Variants in GUCA1C observed in about 807,000 individuals in gnomAD.
GUCA1C encodes the protein guanylyl cyclase-activating protein 3.
GUCA1C carries 15 observed loss-of-function variants against 16.2 expected under a neutral mutation model. The observed-to-expected ratio is 0.93, with a 90% CI of 0.62 to 1.43. The LOEUF is 1.43. GUCA1C is among the 40% of genes most tolerant of loss of function. The pLI is 0.00. For synonymous variants in GUCA1C, 78 were observed against 85.4 expected (o/e 0.91, Z 0.48); for missense variants, 275 against 244.8 (o/e 1.12, Z -0.82).
chr3:108,934,871 T>C (rs1946707855), intron 1 of GUCA1C, among the ~76,000 whole-genome samples: 2 of 130,716 alleles, frequency 1.5e-5, no homozygotes. Flanking sequence ...CTGAGTGCAG[T>C]GGCGCTATCT....
At chr3:108,929,345 G>GT (rs1394575689) in intron 1 of GUCA1C, among the ~76,000 whole-genome samples, 1 of 152,134 alleles carries the variant, frequency 6.6e-6, no homozygotes, top group African/African-American at 2.4e-5. Flanking sequence ...TTTGTTTTTG[G>GT]TTTTTTGGTT....
chr3:108,916,650 G>A (rs530923313), intron 2 of GUCA1C, among the ~76,000 whole-genome samples: 208 of 152,260 alleles, frequency 1.4e-3, no homozygotes, highest in Middle Eastern at 3.4e-3. Context: ...GGCTTCCACC[G>A]CTGGCACCCC....
Position 108,920,418 on chromosome 3 carries a change from C to T in GUCA1C, c.354+18G>A. 2 of 1,595,548 alleles carry T rather than the reference C, an allele frequency of 1.3e-6. No homozygotes were observed. The highest frequency in any genetic ancestry group is 1.1e-5 in the South Asian group (1 of 90,428). On this transcript the variant is annotated intron_variant, in intron 2 of 3. Coordinates refer to ENST00000261047, the MANE Select transcript of GUCA1C (RefSeq NM_005459.4). Reference sequence around the variant, plus strand: ...ACTATATAGCGGCCTGAAAAGGATACTTTACTACTTCACTTACCATGAACA... The same window carrying T: ...ACTATATAGCGGCCTGAAAAGGATATTTTACTACTTCACTTACCATGAACA...
At chr3:108,941,064 A>G (rs185512217) in intron 1 of GUCA1C, among the ~76,000 whole-genome samples, 9 of 61,688 alleles carry the variant, frequency 1.5e-4, no homozygotes, top group Non-Finnish European at 4.2e-4. Flanking sequence ...GGGCTCATTT[A>G]AAAAAAAAAC....
intron 3 of GUCA1C, among the ~76,000 whole-genome samples, chr3:108,908,888 T>C (rs555807596): frequency 6.6e-6 from 1 of 152,222 alleles, no homozygotes; most frequent in Non-Finnish European, 1.5e-5. Flanking sequence ...GGGAATTCTC[T>C]GTTGATATAA....
chr3:108,930,290 C>T (rs868062050), intron 1 of GUCA1C, among the ~76,000 whole-genome samples: 2 of 152,122 alleles, frequency 1.3e-5, no homozygotes, highest in Admixed American at 1.3e-4. Context: ...ACCACTGCTC[C>T]CCGGAAATAA....
intron 2 of GUCA1C, among the ~76,000 whole-genome samples, chr3:108,918,672 G>GC (rs1946542828): frequency 6.6e-6 from 1 of 152,146 alleles, no homozygotes; most frequent in Non-Finnish European, 1.5e-5. Context: ...TGTAGAGCCT[G>GC]CCTATACTGT....
Position 108,920,523 on chromosome 3 carries a change from C to A in GUCA1C, c.267G>T (p.Met89Ile), listed in dbSNP as rs920244370. 2 of 1,591,442 alleles carry A rather than the reference C, an allele frequency of 1.3e-6. No individual in the cohort carries two copies. Among genetic ancestry groups the A allele is most frequent in the Non-Finnish European group, 1.7e-6 (2 of 1,159,912 alleles). The change falls in exon 2 of 4, where the codon ATG becomes ATT. Residue 89 changes from methionine (M) to isoleucine (I), a missense_variant. Met to Ile is a conservative substitution (Grantham distance 10). Coordinates refer to ENST00000261047, the MANE Select transcript of GUCA1C (RefSeq NM_005459.4). ...TAAAATACCATTTTAATTTTTGCTC[C>A]ATTTTTTCTTGCATGATTAGATTTA... is the stretch of plus-strand genomic sequence containing the variant. ...AAVNLIMQEK[M>I]EQKLKWYFKL...
intron 1 of GUCA1C, among the ~76,000 whole-genome samples, chr3:108,937,686 CAT>C (rs571147103): frequency 2.4e-4 from 36 of 152,308 alleles, no homozygotes; most frequent in Non-Finnish European, 4.4e-4. Flanking sequence ...GCTTTGCACA[CAT>C]GAGGCCTACA....
At chr3:108,940,764 C>T (rs1946777504) in intron 1 of GUCA1C, among the ~76,000 whole-genome samples, 1 of 152,246 alleles carries the variant, frequency 6.6e-6, no homozygotes, top group Admixed American at 6.5e-5. Context: ...CTGCATTTTA[C>T]AGACAAACAT....
At chr3:108,939,525 C>A (rs1391898013) in intron 1 of GUCA1C, among the ~76,000 whole-genome samples, 2 of 151,296 alleles carry the variant, frequency 1.3e-5, no homozygotes, top group Non-Finnish European at 2.9e-5. Context: ...CAGGGTTTCA[C>A]CATGTTGGCC....
intron 1 of GUCA1C, among the ~76,000 whole-genome samples, chr3:108,921,488 AT>A (rs1946568453): frequency 1.3e-5 from 2 of 152,178 alleles, no homozygotes; most frequent in Admixed American, 1.3e-4. Context: ...ATGTAGGAGT[AT>A]GTTTAGTTTT....
At chr3:108,939,362 T>A (rs1946762902) in intron 1 of GUCA1C, among the ~76,000 whole-genome samples, 1 of 134,824 alleles carries the variant, frequency 7.4e-6, no homozygotes, top group Admixed American at 7.5e-5. Context: ...GACGGAATCT[T>A]GCTCTGTCAC....
At chr3:108,955,106 T>C (rs1946935348), upstream of GUCA1C, among the ~76,000 whole-genome samples, 1 of 152,188 alleles carries the variant, frequency 6.6e-6, no homozygotes, top group African/African-American at 2.4e-5. Flanking sequence ...ATCTGGTCTC[T>C]GTCTTTGTCC....
intron 1 of GUCA1C, among the ~76,000 whole-genome samples, chr3:108,933,681 T>TGAGGCTGC (rs1559845581): frequency 6.6e-6 from 1 of 152,080 alleles, no homozygotes; most frequent in African/African-American, 2.4e-5. Flanking sequence ...TAAAAAACAG[T>TGAGGCTGC]AGAGGCTGGT....
intron 2 of GUCA1C, among the ~76,000 whole-genome samples, chr3:108,918,412 G>A (rs968556436): frequency 1.3e-5 from 2 of 152,142 alleles, no homozygotes; most frequent in Admixed American, 6.5e-5. Context: ...ATTCTAGGAA[G>A]GCAGATACTT....
chr3:108,940,496 A>C (rs1339384063), intron 1 of GUCA1C, among the ~76,000 whole-genome samples: 1 of 152,264 alleles, frequency 6.6e-6, no homozygotes, highest in Non-Finnish European at 1.5e-5. Flanking sequence ...GGTTATAGTA[A>C]GACGATAGTC....
At chr3:108,920,930 T>C (rs1946564232) in intron 1 of GUCA1C, among the ~76,000 whole-genome samples, 1 of 152,208 alleles carries the variant, frequency 6.6e-6, no homozygotes, top group Non-Finnish European at 1.5e-5. Flanking sequence ...TTGCTGAACC[T>C]ACACTGACAC....
intron 1 of GUCA1C, among the ~76,000 whole-genome samples, chr3:108,934,816 T>TTTC (rs1431588855): frequency 7.4e-6 from 1 of 135,482 alleles, no homozygotes; most frequent in Non-Finnish European, 1.6e-5. Context: ...ATCTTTTTTT[T>TTTC]TTTTTTTTTT....
Sources: gnomAD v4.1 joint callset for allele counts (sites outside exome capture counted in the v4.1 genomes callset) on GRCh38, gnomAD v4.1.1 for gene constraint, MANE v1.5 for transcripts, NCBI Gene and HGNC (gene_info 2026-07-23, HGNC 2026-07-21) for gene names.